The following NAALADL2 variants were observed in gnomAD, a reference collection of about 807,000 sequenced individuals.
NAALADL2 encodes N-acetylated alpha-linked acidic dipeptidase like 2.
NAALADL2 carries 76 observed loss-of-function variants against 87.2 expected under a neutral mutation model. The observed-to-expected ratio is 0.87, with a 90% confidence interval of 0.72 to 1.05. NAALADL2 has a LOEUF of 1.05. Ranked by LOEUF, NAALADL2 falls within the 50% of genes least tolerant of loss-of-function variation. The pLI is 0.00. For synonymous variants in NAALADL2, 354 were observed against 331.0 expected (o/e 1.07, Z -0.75); for missense variants, 1,089 against 945.8 (o/e 1.15, Z -1.99).
intron 4 of NAALADL2, among the ~76,000 whole-genome samples, chr3:175,313,559 T>C (rs1369145407): frequency 6.6e-6 from 1 of 152,126 alleles, no homozygotes; most frequent in East Asian, 1.9e-4. Flanking sequence ...GGATTACATT[T>C]TACTGGCTCA....
chr3:174,477,222 A>C (rs537701277), intron 1 of NAALADL2, among the ~76,000 whole-genome samples: 8 of 152,156 alleles, frequency 5.3e-5, no homozygotes, highest in Non-Finnish European at 1.2e-4. Flanking sequence ...ATTTTGTCCT[A>C]TAACTAGAGT....
At chr3:174,689,063 G>A (rs1483867705) in intron 2 of NAALADL2, among the ~76,000 whole-genome samples, 4 of 151,784 alleles carry the variant, frequency 2.6e-5, no homozygotes, top group South Asian at 2.1e-4. Flanking sequence ...GCAGATATGA[G>A]AACTCTTTAT....
At chr3:174,782,858 C>T (rs540103359) in intron 3 of NAALADL2, among the ~76,000 whole-genome samples, 3 of 152,228 alleles carry the variant, frequency 2.0e-5, no homozygotes, top group African/African-American at 7.2e-5. Context: ...TCAATTACCT[C>T]TTACTGGGTC....
intron 1 of NAALADL2, among the ~76,000 whole-genome samples, chr3:175,033,707 A>C (rs1162211973): frequency 1.3e-5 from 2 of 152,040 alleles, no homozygotes; most frequent in African/African-American, 2.4e-5. Context: ...TCTTATTTCT[A>C]ACCCCTAAAC....
At chr3:174,493,496 TA>T (rs1560013696) in intron 1 of NAALADL2, among the ~76,000 whole-genome samples, 2 of 152,232 alleles carry the variant, frequency 1.3e-5, no homozygotes, top group African/African-American at 4.8e-5. Flanking sequence ...ACCACGCTGA[TA>T]ATAGACTTCT....
intron 11 of NAALADL2, among the ~76,000 whole-genome samples, chr3:175,720,621 A>G (rs988052630): frequency 4.6e-5 from 7 of 152,160 alleles, no homozygotes; most frequent in African/African-American, 4.8e-5. Flanking sequence ...CAAATCACAA[A>G]TAGGATATAT....
Position 174,859,462 on chromosome 3 carries a change from C to T in NAALADL2, c.43+12C>T. 1 of 1,604,762 alleles carries T rather than the reference C, an allele frequency of 6.2e-7. No individual in the cohort carries two copies. The highest frequency in any genetic ancestry group is 8.5e-7 in the Non-Finnish European group (1 of 1,173,052). The stretch of plus-strand genomic sequence containing the variant: ...CACGTCTTTGCAAGGTAAGTACCAA[C>T]AGCCTATGAACTTTTCACTTTTCAC... On this transcript the variant is annotated intron_variant, in intron 1 of 13. Transcript: ENST00000454872.
At chr3:174,699,589 C>A (rs76865165) in intron 2 of NAALADL2, among the ~76,000 whole-genome samples, 3 of 151,396 alleles carry the variant, frequency 2.0e-5, no homozygotes, top group Non-Finnish European at 2.9e-5. Context: ...TAATTTGATT[C>A]AATTCTTCCT....
chr3:175,676,966 C>G (rs1049977954), intron 11 of NAALADL2, among the ~76,000 whole-genome samples: 9 of 152,090 alleles, frequency 5.9e-5, no homozygotes, highest in Non-Finnish European at 1.3e-4. Flanking sequence ...GTTTAGAAAC[C>G]AGGAGATATA....
chr3:174,535,245 A>G (rs1721620333), intron 1 of NAALADL2, among the ~76,000 whole-genome samples: 1 of 152,164 alleles, frequency 6.6e-6, no homozygotes, highest in Non-Finnish European at 1.5e-5. Flanking sequence ...CATGGTACTT[A>G]TTACAACAAT....
intron 1 of NAALADL2, among the ~76,000 whole-genome samples, chr3:174,454,268 CTT>C (rs1715677443): frequency 6.6e-6 from 1 of 152,112 alleles, no homozygotes; most frequent in African/African-American, 2.4e-5. Context: ...CCTTCAGAGA[CTT>C]AGACTCCCAC....
intron 2 of NAALADL2, among the ~76,000 whole-genome samples, chr3:174,632,345 G>T (rs1722199944): frequency 6.6e-6 from 1 of 152,110 alleles, no homozygotes; most frequent in Non-Finnish European, 1.5e-5. Context: ...TAACTAATAA[G>T]CAAATAATTA....
At chr3:174,476,743 G>A (rs1353043559) in intron 1 of NAALADL2, among the ~76,000 whole-genome samples, 5 of 152,054 alleles carry the variant, frequency 3.3e-5, no homozygotes, top group South Asian at 4.1e-4. Flanking sequence ...CTACCTACCC[G>A]TCAGTGTCGA....
At chr3:175,600,726 A>C (rs1465522471) in intron 10 of NAALADL2, among the ~76,000 whole-genome samples, 1 of 150,808 alleles carries the variant, frequency 6.6e-6, no homozygotes, top group Non-Finnish European at 1.5e-5. Flanking sequence ...TTTAGTAGAG[A>C]CGGGTTTTCA....
intron 1 of NAALADL2, among the ~76,000 whole-genome samples, chr3:175,054,217 G>A (rs1711612351): frequency 1.3e-5 from 2 of 152,200 alleles, no homozygotes; most frequent in Admixed American, 6.5e-5. Context: ...TTTTAAGCCA[G>A]AATAAGAAGC....
chr3:174,530,448 C>T (rs962192227), intron 1 of NAALADL2, among the ~76,000 whole-genome samples: 1 of 152,198 alleles, frequency 6.6e-6, no homozygotes, highest in Non-Finnish European at 1.5e-5. Context: ...CCAACCGCTT[C>T]CACATTTTCG....
chr3:175,564,752 T>G (rs1298834968), intron 9 of NAALADL2, among the ~76,000 whole-genome samples: 1 of 152,226 alleles, frequency 6.6e-6, no homozygotes, highest in East Asian at 1.9e-4. Context: ...TTTATCCAGG[T>G]GTCTGGTTTA....
chr3:175,627,447 G>A (rs1242432637), intron 11 of NAALADL2, 61 bp downstream of exon 11: 2 of 1,090,746 alleles, frequency 1.8e-6, no homozygotes, highest in African/African-American at 1.6e-5. Flanking sequence ...ATTGGTAGAT[G>A]GAGCAAAGGA....
intron 3 of NAALADL2, among the ~76,000 whole-genome samples, chr3:174,818,908 T>C (rs1721092250): frequency 6.6e-6 from 1 of 152,114 alleles, no homozygotes; most frequent in Non-Finnish European, 1.5e-5. Context: ...GCTTCATTGC[T>C]TCTGATTTTC....
Sources: allele counts gnomAD v4.1 joint callset (sites outside exome capture counted in the v4.1 genomes callset), GRCh38; gene constraint gnomAD v4.1.1; transcripts MANE v1.5; gene names NCBI Gene and HGNC (gene_info 2026-07-23, HGNC 2026-07-21).